PHF12: variants seen among roughly 807,000 people sequenced by gnomAD.
PHF12 encodes the protein PHD finger protein 12.
PHF12 carries 6 observed loss-of-function variants against 99.8 expected under a neutral mutation model. That is an observed-to-expected ratio of 0.06 (90% CI 0.03 to 0.12). The LOEUF is 0.12. Among genes scored for constraint, PHF12 ranks in the 10% least tolerant of loss-of-function variants. PHF12 has a pLI of 1.00. For synonymous variants in PHF12, 480 were observed against 514.9 expected (o/e 0.93, Z 0.92); for missense variants, 954 against 1,300.1 (o/e 0.73, Z 4.09).
At chr17:28,920,399 T>C (rs1292015198) in intron 5 of PHF12, among the ~76,000 whole-genome samples, 4 of 152,232 alleles carry the variant, frequency 2.6e-5, no homozygotes, top group African/African-American at 7.2e-5. Context: ...AGATCCTATT[T>C]GAAGGAAACC....
At position 28,951,175 on chromosome 17, in the gene PHF12, A is replaced by T; in HGVS notation, c.-215T>A. The T allele has an allele frequency of 1.4e-6, 2 of 1,416,974 alleles. No homozygotes were observed. The highest frequency in any genetic ancestry group is 1.8e-6 in the Non-Finnish European group (2 of 1,089,996). 87.8% of individuals were successfully genotyped at this position (1,416,974 alleles called of 1,614,324 possible). A position where few individuals can be genotyped will look rare whatever the true frequency, so the allele number is the denominator to read the frequency against. On this transcript the variant is annotated 5_prime_UTR_variant, in exon 1 of 15. Coordinates refer to ENST00000332830, the MANE Select transcript of PHF12 (RefSeq NM_001033561.2). ...GGCCGCGAGGGGGGAGCGGCCCCTCAGTCCCGGCCCGGCTGCTGGCTGCAC... is the reference window on the plus strand; with the variant it reads ...GGCCGCGAGGGGGGAGCGGCCCCTCTGTCCCGGCCCGGCTGCTGGCTGCAC...
In PHF12 at chr17:28,950,485, G is replaced by A. The variant is rs1439075879; in HGVS notation, c.67-239C>T. 1.7e-6 allele frequency: 1 copy of A among 577,610 alleles called. No homozygotes were observed. Among genetic ancestry groups the A allele is most frequent in the Non-Finnish European group, 3.1e-6 (1 of 326,658 alleles). 35.8% of individuals were successfully genotyped at this position (577,610 alleles called of 1,614,324 possible). ...AAATGGGGAGGATCAAGGGTAGGGG[G>A]ATGGGAAGAGGGTGCGCGGTTCCCT... On this transcript the variant is annotated intron_variant, in intron 1 of 14. Transcript: ENST00000332830. This position sits in a 1 kb window ranked among gnomAD's most constrained non-coding sequence, Gnocchi z 5.7.
chr17:28,922,522 A>G (rs753263093), intron 4 of PHF12, among the ~76,000 whole-genome samples: 18 of 152,204 alleles, frequency 1.2e-4, no homozygotes, highest in Non-Finnish European at 2.2e-4. Flanking sequence ...CAGGACTTAA[A>G]AAAAAAGAAT....
Position 28,914,027 on chromosome 17 carries a change from G to C in PHF12, c.1145C>G (p.Ala382Gly), listed in dbSNP as rs1303271446. The change falls in exon 8 of 15, where the codon GCT (alanine) becomes GGT (glycine). Residue 382 changes from alanine to glycine, a missense_variant. Around this residue, in one of 8 missense-constraint regions of PHF12, gnomAD observed 392 missense variants for 423.1 expected, o/e 0.93. Coordinates refer to ENST00000332830, the MANE Select transcript of PHF12 (RefSeq NM_001033561.2). ...TGGAAACTGGTACTGAGATTTTATA[G>C]CATCAGGAACCTGTTCAGGATAGAT... Reference protein sequence around the residue: ...VKRRSLKVPDAIKSQYQFPPP... With the variant: ...VKRRSLKVPDGIKSQYQFPPP... The C allele has an allele frequency of 3.1e-6, 5 of 1,610,292 alleles. No individual in the cohort carries two copies. Among genetic ancestry groups the C allele is most frequent in the Non-Finnish European group, 4.2e-6 (5 of 1,177,004 alleles).
chr17:28,933,256 G>A (rs1186925452), intron 2 of PHF12, among the ~76,000 whole-genome samples: 3 of 152,308 alleles, frequency 2.0e-5, no homozygotes, highest in South Asian at 2.1e-4. Context: ...AGACATCAAT[G>A]TGTTTCTTAA....
chr17:28,942,932 A>G (rs2040647300), intron 2 of PHF12, among the ~76,000 whole-genome samples: 1 of 152,206 alleles, frequency 6.6e-6, no homozygotes, highest in South Asian at 2.1e-4. Context: ...CAAGGAACTT[A>G]TATTTACAAC....
intron 4 of PHF12, 146 bp downstream of exon 4, chr17:28,923,763 C>G: frequency 2.0e-6 from 2 of 990,450 alleles, no homozygotes. Flanking sequence ...ATGGCTAAGA[C>G]CTTCAAAGAT....
intron 2 of PHF12, among the ~76,000 whole-genome samples, chr17:28,932,361 T>C (rs1040588845): frequency 2.0e-5 from 3 of 152,164 alleles, no homozygotes; most frequent in African/African-American, 4.8e-5. Context: ...CTTGAACTCC[T>C]GGGCTCAAAT....
At chr17:28,934,290 G>A (rs2040466759) in intron 2 of PHF12, among the ~76,000 whole-genome samples, 1 of 152,192 alleles carries the variant, frequency 6.6e-6, no homozygotes, top group South Asian at 2.1e-4. Context: ...ATGGATGCCA[G>A]AATCAATGAA....
intron 5 of PHF12, among the ~76,000 whole-genome samples, chr17:28,920,306 C>T (rs2040138956): frequency 6.6e-6 from 1 of 152,166 alleles, no homozygotes. Context: ...TGCTACCCTG[C>T]TCTGACCATA....
At chr17:28,923,759 A>G (rs2152666642) in intron 4 of PHF12, 150 bp downstream of exon 4, 1 of 957,768 alleles carries the variant, frequency 1.0e-6, no homozygotes, top group South Asian at 1.8e-5. Context: ...TGTAATGGCT[A>G]AGACCTTCAA....
Position 28,950,187 on chromosome 17 carries a change from C to A in PHF12, c.126G>T (p.Lys42Asn). Residue 42 changes from lysine (K) to asparagine (N), a missense_variant, in exon 2 of 15, where the codon AAG becomes AAT. By Grantham distance (94) the Lys-to-Asn change is moderately conservative (BLOSUM62 0). Coordinates refer to ENST00000332830, the MANE Select transcript of PHF12 (RefSeq NM_001033561.2). The surrounding 1 kb of genome is among the most constrained non-coding windows in gnomAD (Gnocchi z 5.7). ...KTDEAEKRSR[K>N]PEKEPRRSGR... ...CGCTTCTCCGGGGCTCCTTCTCAGGCTTCCGACTGCGCTTTTCTGCCTCGT... is the reference window on the plus strand; with the variant it reads ...CGCTTCTCCGGGGCTCCTTCTCAGGATTCCGACTGCGCTTTTCTGCCTCGT... 2 of 1,613,538 alleles carry A rather than the reference C, an allele frequency of 1.2e-6. No individual in the cohort carries two copies. Among genetic ancestry groups the A allele is most frequent in the Non-Finnish European group, 1.7e-6 (2 of 1,179,996 alleles).
At chr17:28,921,659 A>G (rs2040168220) in intron 5 of PHF12, 29 bp downstream of exon 5, 1 of 1,610,422 alleles carries the variant, frequency 6.2e-7, no homozygotes, top group Non-Finnish European at 8.5e-7. Context: ...AAATAATGAG[A>G]AAGAGCCCCT....
chr17:28,913,251 C>T lies in PHF12; in HGVS notation c.1320G>A (p.Gln440=), dbSNP rs761151992. 3 of 1,612,752 alleles carry T rather than the reference C, an allele frequency of 1.9e-6. No homozygotes were observed. The highest frequency in any genetic ancestry group is 2.2e-5 in the East Asian group (1 of 44,876). Reference sequence around the variant, plus strand: ...CAGATAAATGTTTCAATATGCTGCACTGGAGCGCAACAACACTACAGAGCC... The same window carrying T: ...CAGATAAATGTTTCAATATGCTGCATTGGAGCGCAACAACACTACAGAGCC... ...QEWLCSVVAL[Q]CSILKHLSAK... The change falls in exon 9 of 15, where the codon CAG becomes CAA. Residue 440 remains glutamine, a synonymous_variant. Coordinates refer to ENST00000332830, the MANE Select transcript of PHF12 (RefSeq NM_001033561.2).
rs550544301 is a variant in PHF12, at chr17:28,949,916, G to C, written c.248+149C>G. 2.3e-6 allele frequency: 2 copies of C among 882,084 alleles called. No individual in the cohort carries two copies. Among genetic ancestry groups the C allele is most frequent in the East Asian group, 2.7e-5 (1 of 36,492 alleles). The allele number at this position is 882,084 out of a possible 1,614,324, so 54.6% of individuals were successfully genotyped here. ...AACTGCCAGAACCCGGCGGACACCT[G>C]GGGGCGGGGAGGTGCTCGCCCCGGC... On this transcript the variant is annotated intron_variant, in intron 2 of 14. Coordinates refer to ENST00000332830, the MANE Select transcript of PHF12 (RefSeq NM_001033561.2). The surrounding 1 kb of genome is among the most constrained non-coding windows in gnomAD (Gnocchi z 4.6).
At chr17:28,929,832 C>T (rs1344224729) in intron 2 of PHF12, 1 of 152,202 alleles carries the variant, frequency 6.6e-6, no homozygotes, top group Non-Finnish European at 1.5e-5. Flanking sequence ...TAAGTCTCCG[C>T]TCATTCTAGC....
intron 10 of PHF12, chr17:28,910,667 G>A: frequency 2.2e-6 from 1 of 450,868 alleles, no homozygotes. Context: ...TGTCTGTGGG[G>A]GAGGGCCTGG....
chr17:28,951,161 G>A lies in PHF12; in HGVS notation c.-201C>T. Reference sequence around the variant, plus strand: ...GCGTCCTCCCGACGGGCCGCGAGGGGGGAGCGGCCCCTCAGTCCCGGCCCG... The same window carrying A: ...GCGTCCTCCCGACGGGCCGCGAGGGAGGAGCGGCCCCTCAGTCCCGGCCCG... On this transcript the variant is annotated 5_prime_UTR_variant, in exon 1 of 15. Coordinates refer to ENST00000332830, the MANE Select transcript of PHF12 (RefSeq NM_001033561.2). 1.4e-6 allele frequency: 2 copies of A among 1,428,210 alleles called. No individual in the cohort carries two copies. The highest frequency in any genetic ancestry group is 3.0e-5 in the South Asian group (2 of 67,672). The allele number at this position is 1,428,210 out of a possible 1,614,324, so 88.5% of individuals were successfully genotyped here.
chr17:28,907,259 C>G (rs568169204), intron 13 of PHF12: 5 of 523,698 alleles, frequency 9.5e-6, no homozygotes, highest in East Asian at 6.4e-5. Flanking sequence ...CTCACTGGCC[C>G]GTGATGATAA....
Sources: gnomAD v4.1 joint callset for allele counts (sites outside exome capture counted in the v4.1 genomes callset) on GRCh38, gnomAD v4.1.1 for gene constraint, gnomAD v4.1.1 regional missense constraint, Gnocchi (gnomAD v3.1) non-coding constraint, MANE v1.5 for transcripts, NCBI Gene and HGNC (gene_info 2026-07-23, HGNC 2026-07-21) for gene names.